The following DOP1A variants were observed in gnomAD, a reference collection of about 807,000 sequenced individuals.
DOP1A encodes protein DOP1A.
A neutral mutation model predicts 267.6 loss-of-function variants in DOP1A; 90 were observed. The ratio of observed to expected loss-of-function variants is 0.34; its 90% CI spans 0.28 to 0.40. The LOEUF (loss-of-function observed/expected upper bound fraction) is 0.40. DOP1A is among the 10% of genes least tolerant of loss of function. DOP1A has a pLI of 1.00. For missense variants in DOP1A, 2,437 were observed against 2,900.4 expected, an observed-to-expected ratio of 0.84 and a Z score of 3.67; for synonymous variants, 932 against 999.1, an observed-to-expected ratio of 0.93 and a Z score of 1.27.
chr6:83,128,264 G>T (rs1160292557), intron 15 of DOP1A, among the ~76,000 whole-genome samples: 1 of 152,094 alleles, frequency 6.6e-6, no homozygotes, highest in Non-Finnish European at 1.5e-5. Flanking sequence ...CTATTGTAGG[G>T]AGTAAAAGGC....
At chr6:83,168,725 C>T, downstream of DOP1A, 2 of 997,142 alleles carry the variant, frequency 2.0e-6, no homozygotes, top group South Asian at 8.8e-5. Context: ...CCTATTCATA[C>T]CTCTGAGTTC....
rs1415351761 is a variant in DOP1A at position 83,167,725 on chromosome 6, ATCAGG to A, written c.7093-131_7093-127del. ...GGTCTCAGAAGCACCAAGGGTTTTG[ATCAGG>A]TCAGGAGTTAGAAACTTAATGTCAT... On this transcript the variant is annotated intron_variant, in intron 38 of 38. Coordinates refer to ENST00000349129, the MANE Select transcript of DOP1A (RefSeq NM_015018.4). The A allele has an allele frequency of 2.8e-6, 4 of 1,416,610 alleles. No individual in the cohort carries two copies. The African/African-American group carries it at 4.3e-5, about 15-fold the overall frequency. 87.8% of individuals were successfully genotyped at this position (1,416,610 alleles called of 1,614,324 possible).
intron 30 of DOP1A, among the ~76,000 whole-genome samples, chr6:83,153,110 T>C (rs781699316): frequency 6.6e-6 from 1 of 152,136 alleles, no homozygotes; most frequent in Non-Finnish European, 1.5e-5. Flanking sequence ...CAAATAGCTG[T>C]TAATTGACAG....
chr6:83,089,995 T>C (rs1423953130), intron 1 of DOP1A, among the ~76,000 whole-genome samples: 2 of 152,172 alleles, frequency 1.3e-5, no homozygotes, highest in Non-Finnish European at 2.9e-5. Context: ...CACAAGACAA[T>C]TCAAGATAGG....
chr6:83,097,567 C>G (rs1031574731), intron 3 of DOP1A, among the ~76,000 whole-genome samples: 8 of 152,168 alleles, frequency 5.3e-5, no homozygotes, highest in African/African-American at 1.9e-4. Flanking sequence ...TAATTTGGTA[C>G]TTTTTACAAA....
chr6:83,147,501 A>G (rs555785227), intron 26 of DOP1A, among the ~76,000 whole-genome samples: 173 of 152,236 alleles, frequency 1.1e-3, no homozygotes, highest in Non-Finnish European at 1.9e-3. Context: ...AGTTGAACCT[A>G]CTCTCGAAAC....
downstream of DOP1A, chr6:83,169,438 C>A (rs1786599952): frequency 1.6e-6 from 2 of 1,228,420 alleles, no homozygotes; most frequent in Non-Finnish European, 1.1e-6. Flanking sequence ...GATTTTGTTT[C>A]ACTAACAAAT....
chr6:83,100,203 C>G (rs1772309269), intron 3 of DOP1A, among the ~76,000 whole-genome samples: 1 of 152,088 alleles, frequency 6.6e-6, no homozygotes, highest in Admixed American at 6.5e-5. Flanking sequence ...CAATGATAAT[C>G]TCATGTAGAT....
rs201835896 is a variant in DOP1A, at chr6:83,141,988, C to T, written c.5483C>T (p.Ala1828Val). 3 of 1,612,824 alleles carry T rather than the reference C, an allele frequency of 1.9e-6. No individual in the cohort carries two copies. Among genetic ancestry groups the T allele is most frequent in the Non-Finnish European group, 2.5e-6 (3 of 1,179,580 alleles). ...ATGAATCATGGTGTTCACTTTATGG[C>T]TGCCATTGCATTTGTGTGGAATGAA... ...ISMNHGVHFMAAIAFVWNERR... is the reference protein window; with the variant it reads ...ISMNHGVHFMVAIAFVWNERR... The change falls in exon 24 of 39, where the codon GCT (alanine) becomes GTT (valine). Residue 1828 changes from alanine to valine, a missense_variant. Physicochemically the swap from Ala to Val is moderately conservative, Grantham distance 64 (BLOSUM62 0). Around this residue, in one of 9 missense-constraint regions of DOP1A, gnomAD observed 307 missense variants for 308.6 expected, o/e 0.99. Coordinates refer to ENST00000349129, the MANE Select transcript of DOP1A (RefSeq NM_015018.4).
rs1055008346 is a variant in DOP1A at position 83,156,044 on chromosome 6, C to T, written c.6545C>T (p.Ala2182Val). Residue 2182 changes from alanine to valine, a missense_variant, in exon 34 of 39, where the codon GCA (alanine) becomes GTA (valine). Coordinates refer to ENST00000349129, the MANE Select transcript of DOP1A (RefSeq NM_015018.4). ...AGAGCTATGCTTCTTAAAAGATTAG[C>T]ATTTGCTATTTTTAGCAGTGAAATT... ...EQRAMLLKRL[A>V]FAIFSSEIDQ... 10 of 1,613,884 alleles carry T rather than the reference C, an allele frequency of 6.2e-6. No individual in the cohort carries two copies. The highest frequency in any genetic ancestry group is 8.5e-6 in the Non-Finnish European group (10 of 1,179,828).
intron 27 of DOP1A, among the ~76,000 whole-genome samples, chr6:83,149,377 G>A (rs1781170758): frequency 6.6e-6 from 1 of 152,164 alleles, no homozygotes; most frequent in African/African-American, 2.4e-5. Context: ...CATTATTCTT[G>A]ATTCCTAATA....
chr6:83,075,037 G>A (rs898555141), intron 1 of DOP1A, among the ~76,000 whole-genome samples: 2 of 152,234 alleles, frequency 1.3e-5, no homozygotes, highest in East Asian at 1.9e-4. Context: ...GTTTAGTTTC[G>A]TTGTGTGTTC....
At chr6:83,087,117 A>G (rs187124765) in intron 1 of DOP1A, among the ~76,000 whole-genome samples, 8 of 152,328 alleles carry the variant, frequency 5.3e-5, no homozygotes, top group Admixed American at 4.6e-4. Flanking sequence ...AAAGAAAAGT[A>G]GAGAATATGG....
intron 1 of DOP1A, among the ~76,000 whole-genome samples, chr6:83,092,957 A>G (rs1770730500): frequency 6.6e-6 from 1 of 152,218 alleles, no homozygotes; most frequent in South Asian, 2.1e-4. Context: ...TAATATTTCC[A>G]GACTGTGGTT....
intron 35 of DOP1A, among the ~76,000 whole-genome samples, chr6:83,158,194 G>A (rs1783277903): frequency 6.6e-6 from 1 of 151,942 alleles, no homozygotes; most frequent in African/African-American, 2.4e-5. Flanking sequence ...GTAAAGACGG[G>A]GTTTCAGCAT....
chr6:83,097,589 A>G (rs1170701230), intron 3 of DOP1A, among the ~76,000 whole-genome samples: 3 of 152,208 alleles, frequency 2.0e-5, no homozygotes, highest in Admixed American at 1.3e-4. Context: ...GCGAGTATAT[A>G]CAAGCAGTTG....
At position 83,148,791 on chromosome 6, in the gene DOP1A, C is replaced by T. The variant is rs146769738; in HGVS notation, c.5765C>T (p.Ala1922Val). ...GTGCCCAATTTAGTGGATAGCTGGG[C>T]GTCACTGTTGATACTTCTGAAAGAC... is the stretch of plus-strand genomic sequence containing the variant. ...IPVPNLVDSW[A>V]SLLILLKDSI... The change falls in exon 27 of 39, where the codon GCG becomes GTG. Residue 1922 changes from alanine to valine, a missense_variant. Ala to Val is a moderately conservative substitution (Grantham distance 64). Around this residue, in one of 9 missense-constraint regions of DOP1A, gnomAD observed 216 missense variants for 283.3 expected, o/e 0.76. Coordinates refer to ENST00000349129, the MANE Select transcript of DOP1A (RefSeq NM_015018.4). The T allele has an allele frequency of 1.2e-5, 19 of 1,560,264 alleles. No individual in the cohort carries two copies. The African/African-American group carries it at 1.3e-4, about 10-fold the overall frequency.
intron 1 of DOP1A, among the ~76,000 whole-genome samples, chr6:83,069,309 A>C (rs13218698): frequency 0.1 from 15,293 of 152,202 alleles, 1,052 homozygotes; most frequent in Middle Eastern, 0.17. Flanking sequence ...TTGGGAGCAC[A>C]CTAGGTTAAA....
chr6:83,133,543 G>C (rs1177795493), intron 18 of DOP1A, among the ~76,000 whole-genome samples: 1 of 152,034 alleles, frequency 6.6e-6, no homozygotes, highest in Non-Finnish European at 1.5e-5. Context: ...AATTTTGATA[G>C]TGTGACAATT....
Sources: allele counts gnomAD v4.1 joint callset (sites outside exome capture counted in the v4.1 genomes callset), GRCh38; gene constraint gnomAD v4.1.1; regional missense constraint gnomAD v4.1.1; transcripts MANE v1.5; gene names NCBI Gene and HGNC (gene_info 2026-07-23, HGNC 2026-07-21).